The following SLA variants were observed in gnomAD, a reference collection of about 807,000 sequenced individuals.
The protein encoded by SLA is src-like-adapter.
Under a neutral mutation model 30.3 loss-of-function variants are expected in SLA, and 16 were observed. The ratio of observed to expected loss-of-function variants is 0.53; its 90% CI spans 0.36 to 0.80. SLA has a LOEUF of 0.80. Among genes scored for constraint, SLA ranks in the 30% least tolerant of loss-of-function variants. The pLI, the probability that SLA is intolerant of heterozygous loss-of-function variation, is 0.01. For missense variants in SLA, 310 were observed against 345.2 expected, an observed-to-expected ratio of 0.90 and a Z score of 0.81; for synonymous variants, 143 against 137.8, an observed-to-expected ratio of 1.04 and a Z score of -0.26.
chr8:133,071,541 A>G (rs890659972), intron 2 of SLA, among the ~76,000 whole-genome samples: 2 of 152,128 alleles, frequency 1.3e-5, no homozygotes, highest in East Asian at 3.9e-4. Flanking sequence ...GAGCGGTGCA[A>G]TGAGAGGTGG....
intron 3 of SLA, chr8:133,059,317 G>A: frequency 5.6e-6 from 2 of 359,654 alleles, no homozygotes. Flanking sequence ...TGAGAATTAT[G>A]GACTAGGAAT....
At chr8:133,047,719 C>G (rs1245883244) in intron 6 of SLA, 111 bp downstream of exon 6, 3 of 744,412 alleles carry the variant, frequency 4.0e-6, no homozygotes, top group African/African-American at 3.4e-5. Context: ...TACATTGGAT[C>G]AATTTGCATG....
intron 1 of SLA, among the ~76,000 whole-genome samples, chr8:133,082,407 T>C (rs1845890745): frequency 6.6e-6 from 1 of 152,318 alleles, no homozygotes; most frequent in Admixed American, 6.5e-5. Context: ...GAAAAAAATC[T>C]TTCCCTCCTT....
intron 1 of SLA, among the ~76,000 whole-genome samples, chr8:133,081,153 T>C (rs1322062231): frequency 6.6e-6 from 1 of 152,258 alleles, no homozygotes; most frequent in African/African-American, 2.4e-5. Flanking sequence ...GCAAGGCGCA[T>C]AGGACGGGAC....
At chr8:133,044,440 G>A (rs925540982) in intron 7 of SLA, among the ~76,000 whole-genome samples, 1 of 152,104 alleles carries the variant, frequency 6.6e-6, no homozygotes, top group Non-Finnish European at 1.5e-5. Context: ...GTCTTTAGGA[G>A]CCTGTTGAGG....
Position 133,037,016 on chromosome 8 carries a change from C to G in SLA, c.*1508G>C, listed in dbSNP as rs1324804629. 3 of 152,212 alleles carry G rather than the reference C, an allele frequency of 2.0e-5. No individual in the cohort carries two copies. Among genetic ancestry groups the G allele is most frequent in the Admixed American group, 6.5e-5 (1 of 15,280 alleles). 9.4% of individuals were successfully genotyped at this position (152,212 alleles called of 1,614,324 possible). A position where few individuals can be genotyped will look rare whatever the true frequency, so the allele number is the denominator to read the frequency against. ...GAACGGTTGGGGAAACCACAGATGT[C>G]TCCTTGTATAAACACACTAGAATCT... On this transcript the variant is annotated 3_prime_UTR_variant, in exon 9 of 9. Transcript: ENST00000338087.
chr8:133,050,289 G>A (rs1840158571), intron 4 of SLA: 1 of 421,888 alleles, frequency 2.4e-6, no homozygotes, highest in Non-Finnish European at 4.4e-6. Flanking sequence ...AAAAATAAAT[G>A]TTTACTATGT....
At chr8:133,100,895 T>C (rs1849142337) in intron 1 of SLA, among the ~76,000 whole-genome samples, 1 of 152,218 alleles carries the variant, frequency 6.6e-6, no homozygotes, top group Admixed American at 6.5e-5. Context: ...TAACTCATGC[T>C]CTTACTTTAC....
chr8:133,085,493 C>G (rs1305346582), intron 1 of SLA, among the ~76,000 whole-genome samples: 1 of 152,122 alleles, frequency 6.6e-6, no homozygotes, highest in Non-Finnish European at 1.5e-5. Flanking sequence ...ATAAAGAACA[C>G]TTACAACTCA....
At chr8:133,101,534 C>T (rs1411546831) in intron 1 of SLA, among the ~76,000 whole-genome samples, 1 of 152,292 alleles carries the variant, frequency 6.6e-6, no homozygotes, top group African/African-American at 2.4e-5. Context: ...CCCACCCAGC[C>T]CCTCCTGCCC....
chr8:133,077,567 G>A (rs895234059), intron 1 of SLA, among the ~76,000 whole-genome samples: 46 of 152,232 alleles, frequency 3.0e-4, no homozygotes, highest in African/African-American at 1.1e-3. Flanking sequence ...AGAGCAGGGG[G>A]ATGGAATGGA....
rs771682922 is a variant in SLA, at chr8:133,096,370, G to A, written c.-319+6183C>T. On this transcript the variant is annotated intron_variant, in intron 1 of 8. Transcript: ENST00000338087. ...GGCTCATCAACAGAGCAAAGGCTGT[G>A]AAGGTAAGCAGGGAGGGGGCCTCGG... The A allele has an allele frequency of 5.6e-5, 91 of 1,614,082 alleles. No individual in the cohort carries two copies. Among genetic ancestry groups the A allele is most frequent in the Non-Finnish European group, 4.2e-5 (49 of 1,180,040 alleles).
intron 3 of SLA, among the ~76,000 whole-genome samples, chr8:133,053,346 T>C (rs1840781501): frequency 6.6e-6 from 1 of 152,200 alleles, no homozygotes; most frequent in Non-Finnish European, 1.5e-5. Flanking sequence ...GTGTCTTCTG[T>C]GTCTGTAGCC....
At chr8:133,058,957 G>A in intron 3 of SLA, 1 of 479,924 alleles carries the variant, frequency 2.1e-6, no homozygotes, top group Non-Finnish European at 4.2e-6. Context: ...GCTGGCTTGG[G>A]GGCATTGGAG....
intron 1 of SLA, among the ~76,000 whole-genome samples, chr8:133,100,079 C>T (rs1284658067): frequency 6.6e-6 from 1 of 152,236 alleles, no homozygotes; most frequent in African/African-American, 2.4e-5. Context: ...CCTCTGTTAG[C>T]TCTCTGACCT....
At chr8:133,040,788 A>G (rs1350112832) in intron 7 of SLA, among the ~76,000 whole-genome samples, 1 of 152,228 alleles carries the variant, frequency 6.6e-6, no homozygotes, top group African/African-American at 2.4e-5. Flanking sequence ...AGTAGAAGAC[A>G]CAGGAAGGGA....
At chr8:133,087,497 T>G (rs1425199182) in intron 1 of SLA, among the ~76,000 whole-genome samples, 2 of 152,218 alleles carry the variant, frequency 1.3e-5, no homozygotes, top group African/African-American at 4.8e-5. Context: ...GTTTTCTAAA[T>G]GGACTTGGCC....
intron 2 of SLA, chr8:133,063,641 C>T (rs566844203): frequency 6.6e-6 from 1 of 152,284 alleles, no homozygotes; most frequent in South Asian, 2.1e-4. Context: ...TCTACGCTAA[C>T]AGTCTTCTCT....
chr8:133,064,712 TTC>T (rs1379241201), intron 2 of SLA, among the ~76,000 whole-genome samples: 8 of 152,206 alleles, frequency 5.3e-5, no homozygotes, highest in African/African-American at 1.9e-4. Context: ...CTTAATAGGT[TTC>T]TGTTTCGCAG....
Sources: allele counts gnomAD v4.1 joint callset (sites outside exome capture counted in the v4.1 genomes callset), GRCh38; gene constraint gnomAD v4.1.1; transcripts MANE v1.5; gene names NCBI Gene and HGNC (gene_info 2026-07-23, HGNC 2026-07-21).